The following IQCJ variants were observed in gnomAD, a reference collection of about 807,000 sequenced individuals.
IQCJ encodes the protein IQ domain-containing protein J.
In IQCJ, 9 loss-of-function variants were observed where a neutral mutation model predicts 11.0. The ratio of observed to expected loss-of-function variants is 0.82; its 90% CI spans 0.49 to 1.43. The LOEUF is 1.43. Ranked by LOEUF, IQCJ falls within the 40% of genes most tolerant of loss-of-function variation. The probability of loss-of-function intolerance (pLI) is 0.00; values close to 1 mark genes in which losing one functional copy is unlikely to be tolerated. For missense variants in IQCJ, 146 were observed against 133.2 expected, an observed-to-expected ratio of 1.10 and a Z score of -0.47; for synonymous variants, 55 against 51.3, an observed-to-expected ratio of 1.07 and a Z score of -0.31.
rs1001069713 is a variant in IQCJ at position 159,167,412 on chromosome 3, G to C, written c.10-78431G>C. Among the ~76,000 whole-genome samples the C allele has an allele frequency of 2.0e-5, 3 of 152,124 alleles. 1 individual carries two copies. The highest frequency in any genetic ancestry group is 1.3e-4 in the Admixed American group (2 of 15,276). On this transcript the variant is annotated intron_variant, in intron 1 of 3. Transcript: ENST00000397832. ...TTAGGGCTCTAGTCATAACATTGCAGCTCATAATTTCTGTTTTGCATCTCT... is the reference window on the plus strand; with the variant it reads ...TTAGGGCTCTAGTCATAACATTGCACCTCATAATTTCTGTTTTGCATCTCT...
At chr3:159,210,828 C>T (rs1577083133) in intron 1 of IQCJ, among the ~76,000 whole-genome samples, 1 of 152,098 alleles carries the variant, frequency 6.6e-6, no homozygotes, top group Non-Finnish European at 1.5e-5. Context: ...TGCCACCACA[C>T]CCCGCTAATT....
chr3:159,077,781 T>G (rs1452588488), intron 1 of IQCJ, among the ~76,000 whole-genome samples: 1 of 152,122 alleles, frequency 6.6e-6, no homozygotes, highest in African/African-American at 2.4e-5. Flanking sequence ...TTTTAAAACA[T>G]GGGCATATAT....
At chr3:159,171,485 G>A (rs1256725459) in intron 1 of IQCJ, among the ~76,000 whole-genome samples, 2 of 152,158 alleles carry the variant, frequency 1.3e-5, no homozygotes, top group Non-Finnish European at 2.9e-5. Flanking sequence ...CTGAGAATTT[G>A]TACTTCTAAC....
intron 1 of IQCJ, among the ~76,000 whole-genome samples, chr3:159,076,072 G>A (rs535329495): frequency 1.3e-5 from 2 of 152,142 alleles, no homozygotes; most frequent in African/African-American, 4.8e-5. Flanking sequence ...GTAAATTCAG[G>A]AACCAGCACC....
At chr3:159,124,196 C>T (rs1719541268) in intron 1 of IQCJ, among the ~76,000 whole-genome samples, 2 of 152,280 alleles carry the variant, frequency 1.3e-5, no homozygotes, top group South Asian at 4.1e-4. Flanking sequence ...CTTCTTTCTT[C>T]CTGGTCACCT....
intron 1 of IQCJ, among the ~76,000 whole-genome samples, chr3:159,162,045 A>T (rs1043308025): frequency 9.2e-5 from 14 of 152,236 alleles, no homozygotes; most frequent in Admixed American, 2.0e-4. Flanking sequence ...AACTTTAAAG[A>T]AGTTTTTTCC....
chr3:159,082,640 G>A (rs757529527), intron 1 of IQCJ, among the ~76,000 whole-genome samples: 2 of 152,086 alleles, frequency 1.3e-5, no homozygotes, highest in Non-Finnish European at 2.9e-5. Flanking sequence ...ATATGTGGAG[G>A]TTAAGGAAAG....
chr3:159,140,524 T>C (rs951593397), intron 1 of IQCJ, among the ~76,000 whole-genome samples: 3 of 152,192 alleles, frequency 2.0e-5, no homozygotes, highest in African/African-American at 4.8e-5. Flanking sequence ...AATTTTGTGC[T>C]AGTCCACAGT....
chr3:159,132,091 A>G (rs1324740952), intron 1 of IQCJ, among the ~76,000 whole-genome samples: 5 of 152,300 alleles, frequency 3.3e-5, no homozygotes, highest in South Asian at 2.1e-4. Flanking sequence ...TTTTTGTACT[A>G]AATGCTAAAG....
intron 1 of IQCJ, among the ~76,000 whole-genome samples, chr3:159,179,107 A>G (rs960208723): frequency 3.9e-5 from 6 of 152,136 alleles, no homozygotes; most frequent in African/African-American, 1.4e-4. Context: ...AGTTATGCAA[A>G]CTGGTGTTAA....
intron 1 of IQCJ, among the ~76,000 whole-genome samples, chr3:159,173,644 G>T (rs1490212789): frequency 1.3e-5 from 2 of 152,130 alleles, no homozygotes. Context: ...ATACTTTGAA[G>T]ATATTCTCTA....
intron 1 of IQCJ, among the ~76,000 whole-genome samples, chr3:159,083,055 C>G (rs138479319): frequency 6.6e-6 from 1 of 152,140 alleles, no homozygotes; most frequent in East Asian, 1.9e-4. Flanking sequence ...TGAGGTAAAG[C>G]CTTCTTAAAC....
intron 2 of IQCJ, among the ~76,000 whole-genome samples, chr3:159,246,476 G>T (rs574803586): frequency 6.6e-6 from 1 of 152,130 alleles, no homozygotes; most frequent in Admixed American, 6.5e-5. Flanking sequence ...GGCTCAGCGA[G>T]GTTTCAGCAA....
At chr3:159,136,793 T>C (rs1255453921) in intron 1 of IQCJ, among the ~76,000 whole-genome samples, 8 of 152,222 alleles carry the variant, frequency 5.3e-5, no homozygotes, top group African/African-American at 1.7e-4. Flanking sequence ...TTTCAACATA[T>C]GATTTTTGCA....
At chr3:159,235,964 C>T (rs1726558063) in intron 1 of IQCJ, among the ~76,000 whole-genome samples, 1 of 152,176 alleles carries the variant, frequency 6.6e-6, no homozygotes. Context: ...AGGACTACCT[C>T]ACTCAGTGAT....
At chr3:159,262,502 CA>C (rs1340081261) in intron 3 of IQCJ, 45 bp from the exon 4 acceptor site, 1 of 1,592,804 alleles carries the variant, frequency 6.3e-7, no homozygotes, top group South Asian at 1.1e-5. Context: ...CATGATCCAA[CA>C]GTAATCATGT....
intron 1 of IQCJ, among the ~76,000 whole-genome samples, chr3:159,116,627 T>C (rs1577018906): frequency 4.1e-5 from 1 of 24,204 alleles, no homozygotes; most frequent in African/African-American, 1.7e-4. Context: ...TATATATATA[T>C]ATATATATAT....
chr3:159,186,547 C>A (rs562664187), intron 1 of IQCJ, among the ~76,000 whole-genome samples: 3 of 152,002 alleles, frequency 2.0e-5, no homozygotes, highest in African/African-American at 7.3e-5. Context: ...AAGTAGAAGC[C>A]CCAGTCAAGC....
chr3:159,263,818 A>G, downstream of IQCJ: 2 of 985,036 alleles, frequency 2.0e-6, no homozygotes, highest in South Asian at 4.7e-5. Flanking sequence ...TAAAAGTGGC[A>G]GAAGATCCAT....
Sources: gnomAD v4.1 joint callset for allele counts (sites outside exome capture counted in the v4.1 genomes callset) on GRCh38, gnomAD v4.1.1 for gene constraint, MANE v1.5 for transcripts, NCBI Gene and HGNC (gene_info 2026-07-23, HGNC 2026-07-21) for gene names.